RHOBTB2: variants seen among roughly 807,000 people sequenced by gnomAD.
RHOBTB2 encodes the protein Rho related BTB domain containing 2.
Under a neutral mutation model 66.5 loss-of-function variants are expected in RHOBTB2, and 39 were observed. The observed-to-expected ratio is 0.59, with a 90% CI of 0.45 to 0.77. RHOBTB2 has a LOEUF of 0.77. Among genes scored for constraint, RHOBTB2 ranks in the 30% least tolerant of loss-of-function variants. RHOBTB2 has a pLI of 0.00. For missense variants in RHOBTB2, 755 were observed against 999.1 expected (o/e 0.76, Z 3.29); for synonymous variants, 390 against 395.0 (o/e 0.99, Z 0.15).
At chr8:22,968,042 GT>G in the RHOBTB2 span, among the ~76,000 whole-genome samples, 1 of 151,978 alleles carries the variant, frequency 6.6e-6, no homozygotes, top group African/African-American at 2.4e-5. Context: ...TGTAGTCTTA[GT>G]TACTCAGGAG....
At chr8:22,961,630 A>T in the RHOBTB2 span, among the ~76,000 whole-genome samples, 1 of 152,192 alleles carries the variant, frequency 6.6e-6, no homozygotes, top group African/African-American at 2.4e-5. Context: ...ATTCACAAAG[A>T]GCTAAAAGGT....
chr8:22,963,790 T>C, the RHOBTB2 span, among the ~76,000 whole-genome samples: 2 of 151,788 alleles, frequency 1.3e-5, no homozygotes, highest in Non-Finnish European at 2.9e-5. Flanking sequence ...TTATTATTAT[T>C]ATTATTTTAA....
chr8:22,988,822 G>A (rs13251475), intron 1 of RHOBTB2, among the ~76,000 whole-genome samples: 36,347 of 152,050 alleles, frequency 0.24, 5,134 homozygotes, highest in East Asian at 0.39. Context: ...TGCTAGCGAG[G>A]CTATGATAAC....
At chr8:22,993,369 C>T (rs536946299) in intron 2 of RHOBTB2, among the ~76,000 whole-genome samples, 16 of 152,236 alleles carry the variant, frequency 1.1e-4, no homozygotes, top group African/African-American at 2.9e-4. Flanking sequence ...CCTTACTCTC[C>T]GTGCTGTCTG....
At chr8:22,986,411 C>G (rs1810290391), upstream of RHOBTB2, among the ~76,000 whole-genome samples, 1 of 151,584 alleles carries the variant, frequency 6.6e-6, no homozygotes, top group Non-Finnish European at 1.5e-5. Flanking sequence ...GGACTACAGT[C>G]ATGGGCTACC....
upstream of RHOBTB2, among the ~76,000 whole-genome samples, chr8:22,996,506 TG>T (rs1810563600): frequency 2.8e-4 from 1 of 3,554 alleles, no homozygotes; most frequent in Non-Finnish European, 7.1e-4. Flanking sequence ...GGTGTGTGTG[TG>T]TGTGTGTGTG....
chr8:22,970,936 C>T, the RHOBTB2 span, among the ~76,000 whole-genome samples: 1 of 152,296 alleles, frequency 6.6e-6, no homozygotes, highest in Non-Finnish European at 1.5e-5. Context: ...TCCCATTCTC[C>T]AGTGTAATCA....
At chr8:22,990,218 C>A (rs993085092) in intron 1 of RHOBTB2, among the ~76,000 whole-genome samples, 2 of 152,132 alleles carry the variant, frequency 1.3e-5, no homozygotes, top group African/African-American at 4.8e-5. Flanking sequence ...AAGGAAGGAC[C>A]AAACAAGTCT....
At chr8:22,999,541 A>G (rs1231921102), upstream of RHOBTB2, 99 of 1,151,964 alleles carry the variant, frequency 8.6e-5, 1 homozygote, top group South Asian at 1.5e-3. Flanking sequence ...TGCGCGCGGC[A>G]GTGGGCGGGG....
rs1423277799 is a variant in RHOBTB2 at position 23,018,577 on chromosome 8, A to T, written c.*1108A>T. The T allele has an allele frequency of 1.3e-5, 2 of 152,296 alleles. No individual in the cohort carries two copies. Among genetic ancestry groups the T allele is most frequent in the Non-Finnish European group, 2.9e-5 (2 of 68,108 alleles). 9.4% of individuals were successfully genotyped at this position (152,296 alleles called of 1,614,324 possible). A position where few individuals can be genotyped will look rare whatever the true frequency, so the allele number is the denominator to read the frequency against. On this transcript the variant is annotated 3_prime_UTR_variant, in exon 10 of 10. Transcript: ENST00000251822. ...TGACTGCGGAGGCCCTGACCCTGCC[A>T]GCTGGCTCCGAGGGCAACACAGGGG...
Position 23,006,803 on chromosome 8 carries a change from T to C in RHOBTB2, c.558T>C (p.Tyr186=), listed in dbSNP as rs755981520. 1.4e-5 allele frequency: 22 copies of C among 1,613,832 alleles called. No homozygotes were observed. The highest frequency in any genetic ancestry group is 1.9e-5 in the Non-Finnish European group (22 of 1,179,880). Reference sequence around the variant, plus strand: ...CCAAGGAGCTGGGCATCCCCTACTATGAGACCAGCGTGGTGGCCCAGTTCG... The same window carrying C: ...CCAAGGAGCTGGGCATCCCCTACTACGAGACCAGCGTGGTGGCCCAGTTCG... ...EVAKELGIPY[Y]ETSVVAQFGI... is the part of the protein sequence containing the mutation. The change falls in exon 5 of 10, where the codon TAT becomes TAC. Residue 186 remains tyrosine, a synonymous_variant. Transcript: ENST00000251822. This position sits in a 1 kb window ranked among gnomAD's most constrained non-coding sequence, Gnocchi z 6.1.
At chr8:22,994,753 C>T (rs1211602512), upstream of RHOBTB2, 1 of 753,434 alleles carries the variant, frequency 1.3e-6, no homozygotes, top group Non-Finnish European at 2.2e-6. Context: ...AAGCACTAGA[C>T]CAACATAAAA....
At chr8:22,975,760 G>A in the RHOBTB2 span, among the ~76,000 whole-genome samples, 3 of 152,194 alleles carry the variant, frequency 2.0e-5, no homozygotes, top group Admixed American at 6.5e-5. Context: ...ACCAGTCCAA[G>A]GGGGCCTGAA....
At position 23,015,620 on chromosome 8, in the gene RHOBTB2, C is replaced by A. The variant is rs2128808076; in HGVS notation, c.1861-18C>A. The A allele has an allele frequency of 6.4e-7, 1 of 1,567,472 alleles. No homozygotes were observed. The highest frequency in any genetic ancestry group is 8.8e-7 in the Non-Finnish European group (1 of 1,138,234). On this transcript the variant is annotated intron_variant, in intron 8 of 9. Coordinates refer to ENST00000251822, the MANE Select transcript of RHOBTB2 (RefSeq NM_015178.3). ...CCCTGGGGATTTCAGTACAGACGTT[C>A]TTCCCTTCTGTCCCCAGTTCCACTG...
chr8:22,969,667 A>G, the RHOBTB2 span, among the ~76,000 whole-genome samples: 1 of 152,250 alleles, frequency 6.6e-6, no homozygotes, highest in African/African-American at 2.4e-5. Flanking sequence ...GGAAATGCCC[A>G]AGTATAATCA....
At chr8:22,956,848 C>T in the RHOBTB2 span, among the ~76,000 whole-genome samples, 23 of 152,094 alleles carry the variant, frequency 1.5e-4, no homozygotes, top group East Asian at 1.9e-4. Flanking sequence ...TTAGTAGAGA[C>T]GGGGTATCTC....
chr8:22,977,121 C>G, the RHOBTB2 span, among the ~76,000 whole-genome samples: 1 of 152,116 alleles, frequency 6.6e-6, no homozygotes, highest in Non-Finnish European at 1.5e-5. Flanking sequence ...ACAGCTCCCA[C>G]TATTTAACTC....
the RHOBTB2 span, among the ~76,000 whole-genome samples, chr8:22,957,302 G>T: frequency 6.6e-6 from 1 of 152,158 alleles, no homozygotes; most frequent in Non-Finnish European, 1.5e-5. Context: ...TCCACTGTAA[G>T]CTCACTATTT....
chr8:22,981,919 A>C, the RHOBTB2 span, among the ~76,000 whole-genome samples: 1 of 152,006 alleles, frequency 6.6e-6, no homozygotes, highest in African/African-American at 2.4e-5. Flanking sequence ...GCCACTTTAC[A>C]CTCAGGTGCA....
Sources: allele counts gnomAD v4.1 joint callset (sites outside exome capture counted in the v4.1 genomes callset), GRCh38; gene constraint gnomAD v4.1.1; non-coding constraint Gnocchi (gnomAD v3.1); transcripts MANE v1.5; gene names NCBI Gene and HGNC (gene_info 2026-07-23, HGNC 2026-07-21).